FHIT: variants seen among roughly 807,000 people sequenced by gnomAD.
FHIT encodes the protein fragile histidine triad diadenosine triphosphatase.
FHIT carries 19 observed loss-of-function variants against 17.9 expected under a neutral mutation model. The observed-to-expected ratio is 1.06, with a 90% CI of 0.74 to 1.56. The LOEUF is 1.56. FHIT is among the 40% of genes most tolerant of loss of function. The probability of loss-of-function intolerance (pLI) is 0.00; values close to 1 mark genes in which losing one functional copy is unlikely to be tolerated. For missense variants in FHIT, 248 were observed against 189.2 expected (o/e 1.31, Z -1.82); for synonymous variants, 81 against 69.7 (o/e 1.16, Z -0.81).
chr3:60,636,870 G>A (rs1171138038), intron 4 of FHIT, among the ~76,000 whole-genome samples: 2 of 152,188 alleles, frequency 1.3e-5, no homozygotes, highest in Non-Finnish European at 2.9e-5. Context: ...TCACTCTAAA[G>A]TAACAGAGAA....
chr3:61,243,301 A>C (rs2040415282), intron 1 of FHIT, among the ~76,000 whole-genome samples: 1 of 152,196 alleles, frequency 6.6e-6, no homozygotes, highest in Non-Finnish European at 1.5e-5. Context: ...CATATGTAAT[A>C]AATGATTTCT....
intron 8 of FHIT, among the ~76,000 whole-genome samples, chr3:59,834,883 T>G (rs1293927328): frequency 6.6e-6 from 1 of 152,198 alleles, no homozygotes; most frequent in African/African-American, 2.4e-5. Context: ...TATATAAAAT[T>G]TAATCAAATC....
intron 4 of FHIT, among the ~76,000 whole-genome samples, chr3:60,604,342 C>T (rs529698512): frequency 5.9e-5 from 9 of 152,198 alleles, no homozygotes; most frequent in East Asian, 1.9e-4. Flanking sequence ...TTCTGGTTGT[C>T]GTGGAAATGG....
At chr3:60,936,543 A>C (rs1185142453) in intron 3 of FHIT, among the ~76,000 whole-genome samples, 4 of 152,236 alleles carry the variant, frequency 2.6e-5, no homozygotes, top group Non-Finnish European at 5.9e-5. Flanking sequence ...GAGCCATGTT[A>C]TAGAACTTAG....
chr3:59,915,768 G>A (rs1186808888), intron 8 of FHIT, among the ~76,000 whole-genome samples: 2 of 152,004 alleles, frequency 1.3e-5, no homozygotes, highest in Middle Eastern at 3.2e-3. Context: ...TGCGAGACCT[G>A]TCTCTACAAA....
chr3:60,777,059 G>A (rs566147282), intron 4 of FHIT, among the ~76,000 whole-genome samples: 4 of 152,172 alleles, frequency 2.6e-5, no homozygotes, highest in Admixed American at 6.5e-5. Context: ...TTTGTAAAGG[G>A]TTATAAAAGG....
chr3:60,604,858 C>T (rs1350256022), intron 4 of FHIT, among the ~76,000 whole-genome samples: 4 of 152,124 alleles, frequency 2.6e-5, no homozygotes, highest in Admixed American at 2.6e-4. Flanking sequence ...CTATAGATTC[C>T]ATTCTGTTAT....
At chr3:59,798,514 C>G (rs1333826552) in intron 8 of FHIT, among the ~76,000 whole-genome samples, 1 of 152,152 alleles carries the variant, frequency 6.6e-6, no homozygotes, top group Non-Finnish European at 1.5e-5. Context: ...ATCAGATATA[C>G]CAGGATTCAC....
intron 5 of FHIT, among the ~76,000 whole-genome samples, chr3:60,464,161 G>T (rs1406770137): frequency 6.6e-6 from 1 of 152,092 alleles, no homozygotes; most frequent in Non-Finnish European, 1.5e-5. Flanking sequence ...TTGCTCAAAA[G>T]GCTTGACTCA....
intron 5 of FHIT, among the ~76,000 whole-genome samples, chr3:60,307,417 G>A (rs1394280961): frequency 6.6e-6 from 1 of 152,152 alleles, no homozygotes; most frequent in Admixed American, 6.5e-5. Context: ...CACAAGTCTT[G>A]AACTTTTAAA....
At chr3:60,116,735 C>G (rs935430912) in intron 5 of FHIT, among the ~76,000 whole-genome samples, 3 of 151,976 alleles carry the variant, frequency 2.0e-5, no homozygotes, top group African/African-American at 7.3e-5. Context: ...GCAGATTGGC[C>G]AAGAAGGAAG....
At chr3:60,526,521 C>T (rs980436228) in intron 5 of FHIT, among the ~76,000 whole-genome samples, 2 of 152,026 alleles carry the variant, frequency 1.3e-5, no homozygotes, top group African/African-American at 2.4e-5. Flanking sequence ...AAAGGGCTAC[C>T]GAAAAGGTGA....
chr3:60,615,246 G>A (rs927259315), intron 4 of FHIT, among the ~76,000 whole-genome samples: 1 of 152,118 alleles, frequency 6.6e-6, no homozygotes, highest in African/African-American at 2.4e-5. Context: ...AGTGCATAAT[G>A]GTTGTTTACC....
At chr3:60,740,325 C>T (rs1553713624) in intron 4 of FHIT, among the ~76,000 whole-genome samples, 2 of 152,106 alleles carry the variant, frequency 1.3e-5, no homozygotes, top group African/African-American at 4.8e-5. Flanking sequence ...TGACCCCTGG[C>T]AATTCATTAA....
chr3:60,032,543 A>G (rs530861369), intron 5 of FHIT, among the ~76,000 whole-genome samples: 1 of 152,342 alleles, frequency 6.6e-6, no homozygotes, highest in African/African-American at 2.4e-5. Context: ...TGAACCAAAA[A>G]GGTTAAGAAC....
At chr3:61,003,188 GA>G (rs1371642265) in intron 3 of FHIT, among the ~76,000 whole-genome samples, 2 of 152,160 alleles carry the variant, frequency 1.3e-5, no homozygotes, top group Non-Finnish European at 2.9e-5. Flanking sequence ...TCAGTCTACA[GA>G]AAGTGTCTCT....
chr3:60,314,657 C>A (rs1201521856), intron 5 of FHIT, among the ~76,000 whole-genome samples: 1 of 152,170 alleles, frequency 6.6e-6, no homozygotes, highest in Non-Finnish European at 1.5e-5. Context: ...AACTTTCTAA[C>A]TGAGATATAG....
At chr3:60,799,702 C>T (rs1220598156) in intron 4 of FHIT, among the ~76,000 whole-genome samples, 3 of 152,128 alleles carry the variant, frequency 2.0e-5, no homozygotes, top group Admixed American at 2.0e-4. Flanking sequence ...ATTTTTACAT[C>T]TCTGCTTAAA....
At chr3:60,838,778 A>C (rs1702619674) in intron 3 of FHIT, among the ~76,000 whole-genome samples, 1 of 151,616 alleles carries the variant, frequency 6.6e-6, no homozygotes, top group African/African-American at 2.4e-5. Context: ...AAAAATAAAC[A>C]TGTGAAAAAT....
Sources: allele counts gnomAD v4.1 joint callset (sites outside exome capture counted in the v4.1 genomes callset), GRCh38; gene constraint gnomAD v4.1.1; transcripts MANE v1.5; gene names NCBI Gene and HGNC (gene_info 2026-07-23, HGNC 2026-07-21).